Variants in RSPH14 observed in about 807,000 individuals in gnomAD.
RSPH14 encodes radial spoke head 14 homolog.
In RSPH14, 20 loss-of-function variants were observed where a neutral mutation model predicts 26.7. The ratio of observed to expected loss-of-function variants is 0.75; its 90% CI spans 0.53 to 1.09. The LOEUF is 1.09. Among genes scored for constraint, RSPH14 ranks in the 50% least tolerant of loss-of-function variants. The pLI, the probability that RSPH14 is intolerant of heterozygous loss-of-function variation, is 0.00. For missense variants in RSPH14, 449 were observed against 457.2 expected (o/e 0.98, Z 0.16); for synonymous variants, 177 against 189.3 (o/e 0.93, Z 0.53).
intron 4 of RSPH14, among the ~76,000 whole-genome samples, chr22:23,107,410 G>A (rs959193456): frequency 3.9e-5 from 6 of 152,150 alleles, no homozygotes; most frequent in African/African-American, 4.8e-5. Flanking sequence ...GGGCAGGAGC[G>A]GTGGCCTTTC....
intron 4 of RSPH14, among the ~76,000 whole-genome samples, chr22:23,091,670 A>T (rs1379993228): frequency 6.6e-6 from 1 of 152,122 alleles, no homozygotes; most frequent in Non-Finnish European, 1.5e-5. Context: ...ATGCACACAC[A>T]CCACAGTGGA....
intron 4 of RSPH14, among the ~76,000 whole-genome samples, chr22:23,106,748 T>G (rs1459851389): frequency 6.6e-6 from 1 of 152,226 alleles, no homozygotes; most frequent in Non-Finnish European, 1.5e-5. Flanking sequence ...GCACAACCTC[T>G]AAGCCTCCCA....
chr22:23,114,829 C>T (rs1232335139), intron 4 of RSPH14, among the ~76,000 whole-genome samples: 1 of 152,196 alleles, frequency 6.6e-6, no homozygotes, highest in Non-Finnish European at 1.5e-5. Context: ...CCTCACCCAC[C>T]TTGTTGAGAG....
chr22:23,180,510 CAGAGTGCGGG>C, the RSPH14 span: 1 of 168,516 alleles, frequency 5.9e-6, no homozygotes, highest in East Asian at 1.3e-4. Context: ...TCCTGCGGCG[CAGAGTGCGGG>C]CCGGGCGGGA....
chr22:23,100,050 C>T (rs1302947594), intron 4 of RSPH14, among the ~76,000 whole-genome samples: 1 of 152,280 alleles, frequency 6.6e-6, no homozygotes, highest in African/African-American at 2.4e-5. Flanking sequence ...GCCCATTTCC[C>T]GACGGAGCTG....
At chr22:23,168,214 G>A in the RSPH14 span, among the ~76,000 whole-genome samples, 2 of 152,146 alleles carry the variant, frequency 1.3e-5, no homozygotes, top group Non-Finnish European at 2.9e-5. Flanking sequence ...GCTTGGCATG[G>A]GGCATAAGCC....
At chr22:23,177,379 T>G in the RSPH14 span, among the ~76,000 whole-genome samples, 1 of 152,192 alleles carries the variant, frequency 6.6e-6, no homozygotes, top group African/African-American at 2.4e-5. Flanking sequence ...CTCCAGGCCA[T>G]GCACACATCT....
chr22:23,069,497 G>A (rs770698435), intron 4 of RSPH14, among the ~76,000 whole-genome samples: 1 of 152,210 alleles, frequency 6.6e-6, no homozygotes, highest in Non-Finnish European at 1.5e-5. Context: ...GAATTTTGCA[G>A]CCTGGGTTCA....
intron 6 of RSPH14, among the ~76,000 whole-genome samples, chr22:23,060,637 T>C (rs1315914577): frequency 2.0e-5 from 3 of 152,126 alleles, no homozygotes; most frequent in Non-Finnish European, 4.4e-5. Flanking sequence ...CCCAGTGGAC[T>C]CTCCCCTTTG....
At chr22:23,133,793 T>G (rs1461892572) in intron 4 of RSPH14, 2 of 397,012 alleles carry the variant, frequency 5.0e-6, no homozygotes, top group African/African-American at 4.1e-5. Context: ...TTTCACCATA[T>G]TGGCCAGGCT....
the RSPH14 span, chr22:23,161,038 TG>T: frequency 6.4e-7 from 1 of 1,559,744 alleles, no homozygotes; most frequent in Non-Finnish European, 8.7e-7. Context: ...GGGAGTAGGC[TG>T]GAGGCCTAAA....
At chr22:23,119,199 C>T (rs574413797) in intron 4 of RSPH14, among the ~76,000 whole-genome samples, 118 of 152,336 alleles carry the variant, frequency 7.7e-4, no homozygotes, top group Middle Eastern at 6.8e-3. Flanking sequence ...GTGCAGGCAC[C>T]GCTGTGACAC....
chr22:23,105,818 A>G (rs1160561180), intron 4 of RSPH14, among the ~76,000 whole-genome samples: 2 of 152,226 alleles, frequency 1.3e-5, no homozygotes, highest in African/African-American at 4.8e-5. Flanking sequence ...ATTTAACACA[A>G]AAACAAATAG....
chr22:23,128,360 G>C (rs1434820234), intron 4 of RSPH14, among the ~76,000 whole-genome samples: 1 of 152,202 alleles, frequency 6.6e-6, no homozygotes. Flanking sequence ...CATCGGGCTG[G>C]GGAGCAGAAG....
At chr22:23,133,120 T>A (rs990456217) in intron 4 of RSPH14, 9 of 152,212 alleles carry the variant, frequency 5.9e-5, no homozygotes, top group African/African-American at 2.2e-4. Flanking sequence ...TAAATGCATA[T>A]ACATGTCCAT....
At chr22:23,179,673 T>A in the RSPH14 span, 1 of 158,048 alleles carries the variant, frequency 6.3e-6, no homozygotes, top group Non-Finnish European at 1.4e-5. Context: ...AAATCCCTAT[T>A]TATCATCCAT....
intron 4 of RSPH14, among the ~76,000 whole-genome samples, chr22:23,079,851 C>T (rs1465850507): frequency 2.0e-5 from 3 of 152,134 alleles, no homozygotes; most frequent in East Asian, 1.9e-4. Context: ...GCAGGGAAGG[C>T]GTGCTGGGCA....
chr22:23,074,515 C>T (rs544442541), intron 4 of RSPH14, among the ~76,000 whole-genome samples: 6 of 152,122 alleles, frequency 3.9e-5, no homozygotes, highest in Non-Finnish European at 7.4e-5. Context: ...CATTGATGGG[C>T]ACATGTGGCC....
chr22:23,158,749 C>T, the RSPH14 span: 1 of 691,612 alleles, frequency 1.4e-6, no homozygotes, highest in African/African-American at 1.8e-5. Flanking sequence ...GGAGGTGCAG[C>T]ATCCTGCTCA....
Sources: gnomAD v4.1 joint callset for allele counts (sites outside exome capture counted in the v4.1 genomes callset) on GRCh38, gnomAD v4.1.1 for gene constraint, MANE v1.5 for transcripts, NCBI Gene and HGNC (gene_info 2026-07-23, HGNC 2026-07-21) for gene names.